The following PIK3C2G variants were observed in gnomAD, a reference collection of about 807,000 sequenced individuals.
PIK3C2G encodes the protein phosphatidylinositol-4-phosphate 3-kinase catalytic subunit type 2 gamma.
Under a neutral mutation model 181.1 loss-of-function variants are expected in PIK3C2G, and 168 were observed. The ratio of observed to expected loss-of-function variants is 0.93; its 90% CI spans 0.82 to 1.05. The LOEUF (loss-of-function observed/expected upper bound fraction) is 1.05, where lower values mean the gene tolerates loss of function less well. PIK3C2G is among the 50% of genes least tolerant of loss of function. The pLI, the probability that PIK3C2G is intolerant of heterozygous loss-of-function variation, is 0.00. For missense variants in PIK3C2G, 1,869 were observed against 1,732.8 expected (o/e 1.08, Z -1.40); for synonymous variants, 573 against 592.2 (o/e 0.97, Z 0.47).
intron 4 of PIK3C2G, among the ~76,000 whole-genome samples, chr12:18,292,325 T>A (rs118040555): frequency 0.026 from 3,795 of 143,826 alleles, 79 homozygotes; most frequent in Non-Finnish European, 0.037. Flanking sequence ...ACACAAATAA[T>A]CAAGCAGCCC....
chr12:18,666,617 T>G, the PIK3C2G span, among the ~76,000 whole-genome samples: 1 of 152,094 alleles, frequency 6.6e-6, no homozygotes, highest in Non-Finnish European at 1.5e-5. Context: ...TCAACAACAT[T>G]TGGAGATTTT....
the PIK3C2G span, chr12:18,719,387 C>A: frequency 5.0e-6 from 6 of 1,192,940 alleles, no homozygotes; most frequent in Non-Finnish European, 6.7e-6. Flanking sequence ...CCAGGAACTT[C>A]CAAGTATTTT....
intron 30 of PIK3C2G, among the ~76,000 whole-genome samples, chr12:18,603,662 C>T (rs1312420043): frequency 6.6e-6 from 1 of 152,112 alleles, no homozygotes; most frequent in Non-Finnish European, 1.5e-5. Flanking sequence ...ATCAGATTAA[C>T]AGCAGATTTC....
chr12:18,329,762 A>G (rs1317342095), intron 8 of PIK3C2G, among the ~76,000 whole-genome samples: 1 of 151,998 alleles, frequency 6.6e-6, no homozygotes, highest in Non-Finnish European at 1.5e-5. Flanking sequence ...ACACTTTTCT[A>G]ATGATGTTTT....
intron 16 of PIK3C2G, 94 bp from the exon 17 acceptor site, chr12:18,420,847 C>T: frequency 1.4e-6 from 1 of 696,700 alleles, no homozygotes; most frequent in Non-Finnish European, 2.6e-6. Flanking sequence ...ACCTTATGCA[C>T]TGGGGGTAGA....
At chr12:18,452,797 T>A (rs1216384380) in intron 18 of PIK3C2G, among the ~76,000 whole-genome samples, 1 of 152,170 alleles carries the variant, frequency 6.6e-6, no homozygotes, top group Non-Finnish European at 1.5e-5. Flanking sequence ...AGAACTTTGT[T>A]ATTTCTACTT....
chr12:18,676,010 TA>T, the PIK3C2G span, among the ~76,000 whole-genome samples: 4 of 151,356 alleles, frequency 2.6e-5, no homozygotes, highest in South Asian at 2.1e-4. Context: ...TGAATCTATT[TA>T]AAAAAAAACT....
intron 5 of PIK3C2G, among the ~76,000 whole-genome samples, chr12:18,310,950 A>G (rs957097242): frequency 1.3e-5 from 2 of 152,000 alleles, no homozygotes; most frequent in African/African-American, 4.8e-5. Context: ...TACGTGTGTT[A>G]CCTATTTATT....
At chr12:18,696,020 G>A in the PIK3C2G span, 4 of 572,084 alleles carry the variant, frequency 7.0e-6, no homozygotes, top group East Asian at 1.0e-4. Context: ...CACCATTAGT[G>A]CCTGACCCCA....
chr12:18,691,056 A>G, the PIK3C2G span, among the ~76,000 whole-genome samples: 4 of 152,178 alleles, frequency 2.6e-5, no homozygotes, highest in African/African-American at 7.2e-5. Flanking sequence ...AAAGAAATAG[A>G]CCTGATGACA....
intron 5 of PIK3C2G, among the ~76,000 whole-genome samples, chr12:18,302,407 C>A (rs1403918514): frequency 6.6e-6 from 1 of 152,134 alleles, no homozygotes; most frequent in African/African-American, 2.4e-5. Context: ...TGGGTTCCAG[C>A]AGTGGTGGTG....
In PIK3C2G at chr12:18,594,536, C is replaced by A. The variant is rs374305963; in HGVS notation, c.4054C>A (p.Gln1352Lys). ...CTTTTTCCTCTCTGAGGCTGTGCAA[C>A]AAACAGTTGAAGAATCATCACCTGT... ...LSFFLSEAVQ[Q>K]TVEESSPVYL... is the part of the protein sequence containing the mutation. Residue 1352 changes from glutamine to lysine, a missense_variant, in exon 30 of 33, where the codon CAA (glutamine) becomes AAA (lysine). Gln to Lys is a moderately conservative substitution (Grantham distance 53). Coordinates refer to ENST00000538779, the MANE Select transcript of PIK3C2G (RefSeq NM_001288772.2). 1.3e-6 allele frequency: 2 copies of A among 1,553,586 alleles called. No individual in the cohort carries two copies. The highest frequency in any genetic ancestry group is 1.3e-5 in the South Asian group (1 of 79,094).
chr12:18,452,665 C>T (rs1029946931), intron 18 of PIK3C2G, among the ~76,000 whole-genome samples: 12 of 151,978 alleles, frequency 7.9e-5, no homozygotes, highest in African/African-American at 1.4e-4. Context: ...ATTAAGGTGT[C>T]GATTTTAGAT....
At chr12:18,411,295 A>G (rs1183988744) in intron 16 of PIK3C2G, among the ~76,000 whole-genome samples, 6 of 152,158 alleles carry the variant, frequency 3.9e-5, no homozygotes, top group Non-Finnish European at 1.5e-5. Flanking sequence ...TGTTTTGGAT[A>G]TCTGGATGAT....
chr12:18,311,425 C>T (rs1207857513), intron 5 of PIK3C2G, among the ~76,000 whole-genome samples: 2 of 151,926 alleles, frequency 1.3e-5, no homozygotes, highest in African/African-American at 2.4e-5. Flanking sequence ...TATACACACA[C>T]ACCTAAACAG....
At chr12:18,713,367 T>C in the PIK3C2G span, among the ~76,000 whole-genome samples, 1 of 152,122 alleles carries the variant, frequency 6.6e-6, no homozygotes, top group Non-Finnish European at 1.5e-5. Flanking sequence ...GCCATACCAT[T>C]CAAAAGTGAT....
intron 18 of PIK3C2G, chr12:18,425,189 CTAAA>C (rs2135725039): frequency 6.1e-6 from 1 of 163,386 alleles, no homozygotes; most frequent in East Asian, 1.7e-4. Flanking sequence ...TTCTAGTCTG[CTAAA>C]TAGATTTCTC....
chr12:18,450,961 G>T (rs1947315056), intron 18 of PIK3C2G, among the ~76,000 whole-genome samples: 1 of 152,290 alleles, frequency 6.6e-6, no homozygotes, highest in Admixed American at 6.5e-5. Context: ...CCAGTACCAT[G>T]CTCTTTTGGT....
the PIK3C2G span, chr12:18,693,912 C>T: frequency 1.3e-6 from 2 of 1,526,434 alleles, no homozygotes; most frequent in Non-Finnish European, 1.8e-6. Context: ...GATGATGTAA[C>T]CCTGCACGAC....
Sources: gnomAD v4.1 joint callset for allele counts (sites outside exome capture counted in the v4.1 genomes callset) on GRCh38, gnomAD v4.1.1 for gene constraint, MANE v1.5 for transcripts, NCBI Gene and HGNC (gene_info 2026-07-23, HGNC 2026-07-21) for gene names.